TLE4: variants seen among roughly 807,000 people sequenced by gnomAD.
TLE4 encodes TLE family member 4, transcriptional corepressor.
In TLE4, 8 loss-of-function variants were observed where a neutral mutation model predicts 92.8. That is an observed-to-expected ratio of 0.09 (90% CI 0.05 to 0.16). The LOEUF is 0.16. Ranked by LOEUF, TLE4 falls within the 10% of genes least tolerant of loss-of-function variation. TLE4 has a pLI of 1.00. For synonymous variants in TLE4, 371 were observed against 374.1 expected (o/e 0.99, Z 0.10); for missense variants, 675 against 997.6 (o/e 0.68, Z 4.36).
rs76002395 is a variant in TLE4, at chr9:79,636,433, C to T, written c.390+8985C>T. On this transcript the variant is annotated intron_variant, in intron 6 of 19. Transcript: ENST00000376552. The stretch of plus-strand genomic sequence containing the variant: ...CCTCTTTCACTGGCCTTTCTGCTGT[C>T]ACATACCACTTATGTTCTTCATTCA... Among the ~76,000 whole-genome samples, 174 of 152,256 alleles carry T rather than the reference C, an allele frequency of 1.1e-3. 4 individuals are homozygous for T. In the East Asian group the frequency reaches 0.033, roughly 29 times the overall value.
chr9:79,606,187 G>GTTTTTTTATTTTTTTTTTTT (rs2046840341), intron 4 of TLE4, among the ~76,000 whole-genome samples: 1 of 28,674 alleles, frequency 3.5e-5, no homozygotes, highest in African/African-American at 1.3e-4. Context: ...AGTAGTAGTT[G>GTTTTTTTATTTTTTTTTTTT]TTTTTTTTTT....
chr9:79,695,537 A>G (rs1037748507), intron 8 of TLE4, among the ~76,000 whole-genome samples: 1 of 152,306 alleles, frequency 6.6e-6, no homozygotes, highest in Non-Finnish European at 1.5e-5. Context: ...TTTTGTGCCC[A>G]TTCATTTGTT....
At chr9:79,650,689 A>G (rs1352696803) in intron 6 of TLE4, among the ~76,000 whole-genome samples, 1 of 152,172 alleles carries the variant, frequency 6.6e-6, no homozygotes, top group Non-Finnish European at 1.5e-5. Context: ...CTACCCAGTT[A>G]AGAAAACCTT....
chr9:79,625,014 C>CTTTTTTTTTTTTTTTT (rs34968887), intron 5 of TLE4, among the ~76,000 whole-genome samples: 1 of 79,948 alleles, frequency 1.3e-5, no homozygotes, highest in Non-Finnish European at 2.2e-5. Flanking sequence ...TATTTCTTTT[C>CTTTTTTTTTTTTTTTT]TTTTTTTTTT....
chr9:79,591,914 C>T (rs1292750430), intron 4 of TLE4, among the ~76,000 whole-genome samples: 1 of 152,088 alleles, frequency 6.6e-6, no homozygotes, highest in Admixed American at 6.5e-5. Context: ...GAGTTTGTTG[C>T]TTCTTTTGCT....
intron 6 of TLE4, among the ~76,000 whole-genome samples, chr9:79,639,874 G>A (rs1419267155): frequency 2.0e-5 from 3 of 152,114 alleles, no homozygotes; most frequent in Non-Finnish European, 2.9e-5. Context: ...GTTAAGTGGT[G>A]TATGACTATA....
chr9:79,688,148 C>T (rs2066282710), intron 8 of TLE4, among the ~76,000 whole-genome samples: 1 of 152,138 alleles, frequency 6.6e-6, no homozygotes, highest in Admixed American at 6.5e-5. Context: ...AAGGAAAGGT[C>T]ACAGTATACT....
chr9:79,597,957 G>A (rs1362385215), intron 4 of TLE4, among the ~76,000 whole-genome samples: 1 of 151,984 alleles, frequency 6.6e-6, no homozygotes, highest in Admixed American at 6.5e-5. Context: ...CACTGGCCTG[G>A]CGTGGTGGCT....
chr9:79,677,364 G>A (rs550092377), intron 8 of TLE4, among the ~76,000 whole-genome samples: 1 of 152,262 alleles, frequency 6.6e-6, no homozygotes, highest in Non-Finnish European at 1.5e-5. Context: ...CATGACAGAA[G>A]TAATAATAAG....
Position 79,654,322 on chromosome 9 carries a change from A to G in TLE4, c.609+247A>G, listed in dbSNP as rs554210670. Among the ~76,000 whole-genome samples, 20 of 149,578 alleles carry G rather than the reference A, an allele frequency of 1.3e-4. No individual in the cohort carries two copies. In the East Asian group the frequency reaches 3.9e-3, roughly 29 times the overall value. ...TTGCAAGATCTGGCTTGCATTGCTCATTTTATTATTTGCCATGTGAAAAAA... is the reference window on the plus strand; with the variant it reads ...TTGCAAGATCTGGCTTGCATTGCTCGTTTTATTATTTGCCATGTGAAAAAA... On this transcript the variant is annotated intron_variant, in intron 8 of 19. Transcript: ENST00000376552.
Position 79,573,709 on chromosome 9 carries a change from A to C in TLE4, c.66A>C (p.Gln22His). ...TRHPAPHQPA[Q>H]PFKFTISESC... ...TTCAGGCACCGCATCAGCCTGCTCA[A>C]CCCTTTAAATTTACAATTTCCGAAT... Residue 22 changes from glutamine (Q) to histidine (H), a missense_variant, in exon 2 of 20, where the codon CAA (glutamine) becomes CAC (histidine). Gln to His is a conservative substitution (Grantham distance 24). Around this residue, in one of 5 missense-constraint regions of TLE4, gnomAD observed 38 missense variants for 33.5 expected, o/e 1.14. Coordinates refer to ENST00000376552, the MANE Select transcript of TLE4 (RefSeq NM_007005.6). 1.9e-6 allele frequency: 3 copies of C among 1,607,508 alleles called. No individual in the cohort carries two copies. The highest frequency in any genetic ancestry group is 2.6e-6 in the Non-Finnish European group (3 of 1,175,174).
At chr9:79,602,728 A>G (rs1156611295) in intron 4 of TLE4, among the ~76,000 whole-genome samples, 1 of 152,230 alleles carries the variant, frequency 6.6e-6, no homozygotes, top group East Asian at 1.9e-4. Flanking sequence ...ATAATTCTGT[A>G]GCCCGTGGAT....
At chr9:79,605,400 TC>T (rs2046573365) in intron 4 of TLE4, among the ~76,000 whole-genome samples, 2 of 152,220 alleles carry the variant, frequency 1.3e-5, no homozygotes, top group South Asian at 2.1e-4. Flanking sequence ...GGCACAATGA[TC>T]GTCATTCTCA....
In TLE4 at chr9:79,682,554, A is replaced by G. The variant is rs1036058797; in HGVS notation, c.610-22229A>G. Among the ~76,000 whole-genome samples the G allele has an allele frequency of 5.3e-5, 8 of 152,190 alleles. No homozygotes were observed. The East Asian group carries it at 1.5e-3, about 29-fold the overall frequency. On this transcript the variant is annotated intron_variant, in intron 8 of 19. Coordinates refer to ENST00000376552, the MANE Select transcript of TLE4 (RefSeq NM_007005.6). ...TCCTGTGAGGGGCCTGCGTTGTAGT[A>G]GTCGTTTGTCATAAATCAGTGAAGG...
rs142098950 is a variant in TLE4 at position 79,667,249 on chromosome 9, G to A, written c.609+13174G>A. On this transcript the variant is annotated intron_variant, in intron 8 of 19. Coordinates refer to ENST00000376552, the MANE Select transcript of TLE4 (RefSeq NM_007005.6). The stretch of plus-strand genomic sequence containing the variant: ...ACCCAGCTCATGGTGTAGAGGCCAC[G>A]GACAAAGGCTGTGTGTGGGCATGCC... 8.3e-4 allele frequency among the ~76,000 whole-genome samples: 126 copies of A among 152,252 alleles called. No homozygotes were observed. The East Asian group carries it at 0.014, about 16-fold the overall frequency.
chr9:79,722,305 A>G lies in TLE4; in HGVS notation c.1987-146A>G, dbSNP rs906755318. On this transcript the variant is annotated intron_variant, in intron 17 of 19. Coordinates refer to ENST00000376552, the MANE Select transcript of TLE4 (RefSeq NM_007005.6). ...AAGTCTCATTACTTTGAAATCGCCC[A>G]TTTGACTTTGGTTCTCCCCTGTACA... is the stretch of plus-strand genomic sequence containing the variant. The G allele has an allele frequency of 3.4e-5, 33 of 961,228 alleles. No homozygotes were observed. In the Middle Eastern group the frequency reaches 9.4e-4, roughly 27 times the overall value. The allele number at this position is 961,228 out of a possible 1,614,324, so 59.5% of individuals were successfully genotyped here.
rs1458110535 is a variant in TLE4 at position 79,671,215 on chromosome 9, T to C, written c.609+17140T>C. The stretch of plus-strand genomic sequence containing the variant: ...ACTTTTATGTATTTTACAGCAAAAC[T>C]ACTTGCTGCTCATAATGGATGAAAT... On this transcript the variant is annotated intron_variant, in intron 8 of 19. Transcript: ENST00000376552. The C allele has an allele frequency of 8.8e-6, 4 of 455,540 alleles. No homozygotes were observed. The Admixed American group carries it at 9.4e-5, about 11-fold the overall frequency. The allele number at this position is 455,540 out of a possible 1,614,324, so 28.2% of individuals were successfully genotyped here.
At chr9:79,652,485 C>A in intron 6 of TLE4, 108 bp from the exon 7 acceptor site, 3 of 1,257,690 alleles carry the variant, frequency 2.4e-6, no homozygotes, top group South Asian at 1.3e-5. Context: ...CCGTGCCCAG[C>A]CGGTGTTGGC....
chr9:79,646,704 G>T (rs1338279423), intron 6 of TLE4, among the ~76,000 whole-genome samples: 1 of 152,052 alleles, frequency 6.6e-6, no homozygotes, highest in Non-Finnish European at 1.5e-5. Flanking sequence ...ACAGAAAGGG[G>T]TCTCATTTAT....
Sources: gnomAD v4.1 joint callset for allele counts (sites outside exome capture counted in the v4.1 genomes callset) on GRCh38, gnomAD v4.1.1 for gene constraint, gnomAD v4.1.1 regional missense constraint, MANE v1.5 for transcripts, NCBI Gene and HGNC (gene_info 2026-07-23, HGNC 2026-07-21) for gene names.